Variants in TOP2B observed in about 807,000 individuals in gnomAD.
The protein encoded by TOP2B is DNA topoisomerase II beta.
In TOP2B, 51 loss-of-function variants were observed where a neutral mutation model predicts 193.5. The ratio of observed to expected loss-of-function variants is 0.26; its 90% CI spans 0.21 to 0.33. The LOEUF (loss-of-function observed/expected upper bound fraction) is 0.33. Among genes scored for constraint, TOP2B ranks in the 10% least tolerant of loss-of-function variants. The pLI is 1.00. For missense variants in TOP2B, 1,378 were observed against 1,909.3 expected (o/e 0.72, Z 5.19); for synonymous variants, 634 against 635.7 (o/e 1.00, Z 0.04).
At chr3:25,642,666 C>T (rs1299002172) in intron 3 of TOP2B, among the ~76,000 whole-genome samples, 1 of 151,998 alleles carries the variant, frequency 6.6e-6, no homozygotes, top group African/African-American at 2.4e-5. Flanking sequence ...GAACAAACAC[C>T]TGCATTTTAC....
intron 28 of TOP2B, 50 bp from the exon 29 acceptor site, chr3:25,609,762 A>G (rs1702323142): frequency 2.1e-6 from 3 of 1,419,204 alleles, no homozygotes; most frequent in African/African-American, 3.0e-5. Context: ...AAAACATCAC[A>G]TATTTTAGAG....
chr3:25,664,447 G>A lies in TOP2B; in HGVS notation c.-150C>T. 2 of 1,250,068 alleles carry A rather than the reference G, an allele frequency of 1.6e-6. No individual in the cohort carries two copies. Among genetic ancestry groups the A allele is most frequent in the Non-Finnish European group, 2.0e-6 (2 of 1,000,342 alleles). The allele number at this position is 1,250,068 out of a possible 1,614,324, so 77.4% of individuals were successfully genotyped here. ...CCGCGCCCCATCGCGAAGATCCGGA[G>A]CGGACGTCCAGCCGAGCCCGCTGAG... is the stretch of plus-strand genomic sequence containing the variant. On this transcript the variant is annotated 5_prime_UTR_variant, in exon 1 of 36. Coordinates refer to ENST00000264331, the MANE Select transcript of TOP2B (RefSeq NM_001330700.2).
chr3:25,615,662 T>C, intron 25 of TOP2B, 76 bp from the exon 26 acceptor site: 1 of 1,236,646 alleles, frequency 8.1e-7, no homozygotes, highest in Non-Finnish European at 1.1e-6. Flanking sequence ...GAATAATTAG[T>C]TTAAAATTCT....
At chr3:25,620,893 G>T in intron 21 of TOP2B, 77 bp from the exon 22 acceptor site, 2 of 1,446,998 alleles carry the variant, frequency 1.4e-6, no homozygotes, top group Non-Finnish European at 1.9e-6. Flanking sequence ...AACATTGACA[G>T]ATTAACACAA....
At chr3:25,623,852 G>C in intron 20 of TOP2B, 106 bp from the exon 21 acceptor site, 1 of 724,560 alleles carries the variant, frequency 1.4e-6, no homozygotes, top group Non-Finnish European at 2.2e-6. Flanking sequence ...CTTTTGAAGA[G>C]AATGCATTTT....
At chr3:25,616,948 T>C (rs936163350) in intron 25 of TOP2B, among the ~76,000 whole-genome samples, 3 of 152,110 alleles carry the variant, frequency 2.0e-5, no homozygotes, top group African/African-American at 7.2e-5. Context: ...CAAAAAACTT[T>C]AATCTTCTAA....
At chr3:25,628,069 TA>T (rs11444500) in intron 15 of TOP2B, among the ~76,000 whole-genome samples, 5 of 130,998 alleles carry the variant, frequency 3.8e-5, no homozygotes, top group Non-Finnish European at 3.3e-5. Context: ...TAAAAACAAT[TA>T]AAAAAAAACG....
intron 1 of TOP2B, among the ~76,000 whole-genome samples, chr3:25,655,940 G>C (rs1296946531): frequency 6.6e-6 from 1 of 152,112 alleles, no homozygotes; most frequent in Non-Finnish European, 1.5e-5. Flanking sequence ...TACTTCTAGA[G>C]ATCTGTTGCT....
chr3:25,663,662 A>T (rs1703986416), intron 1 of TOP2B, among the ~76,000 whole-genome samples: 1 of 152,212 alleles, frequency 6.6e-6, no homozygotes, highest in Non-Finnish European at 1.5e-5. Flanking sequence ...CTACAGTATT[A>T]ACTGCTGTGA....
Position 25,598,389 on chromosome 3 carries a change from G to A in TOP2B, c.4799C>T (p.Thr1600Ile), listed in dbSNP as rs777323473. The change falls in exon 36 of 36, where the codon ACC becomes ATC. Residue 1600 changes from threonine (T) to isoleucine (I), a missense_variant. Around this residue, in one of 9 missense-constraint regions of TOP2B, gnomAD observed 556 missense variants for 584.2 expected, o/e 0.95. Coordinates refer to ENST00000264331, the MANE Select transcript of TOP2B (RefSeq NM_001330700.2). ...FPTEPPSLPR[T>I]GRARKEVKYF... ...TTTTACTTCTTTCCTAGCCCGACCG[G>A]TTCGTGGCAGAGAAGGTGGCTCAGT... is the stretch of plus-strand genomic sequence containing the variant. 1 of 1,613,584 alleles carries A rather than the reference G, an allele frequency of 6.2e-7. No individual in the cohort carries two copies. The highest frequency in any genetic ancestry group is 8.5e-7 in the Non-Finnish European group (1 of 1,179,642).
intron 1 of TOP2B, among the ~76,000 whole-genome samples, chr3:25,658,339 T>C (rs2125410590): frequency 6.6e-6 from 1 of 152,008 alleles, no homozygotes; most frequent in South Asian, 2.1e-4. Flanking sequence ...GTAATTTATT[T>C]CCCTGCCTTA....
chr3:25,604,978 T>C (rs761371355), intron 32 of TOP2B, 108 bp from the exon 33 acceptor site: 42 of 732,200 alleles, frequency 5.7e-5, no homozygotes, highest in Non-Finnish European at 8.6e-5. Context: ...ATTGATCTTA[T>C]GTTACTATTT....
intron 19 of TOP2B, 36 bp from the exon 20 acceptor site, chr3:25,624,481 A>C (rs1239379596): frequency 6.3e-7 from 1 of 1,584,642 alleles, no homozygotes; most frequent in South Asian, 1.2e-5. Context: ...TAACATTAAT[A>C]TTCTAAATTT....
chr3:25,606,878 T>C (rs141796265), intron 31 of TOP2B, among the ~76,000 whole-genome samples: 82 of 152,312 alleles, frequency 5.4e-4, no homozygotes, highest in African/African-American at 1.9e-3. Flanking sequence ...TTACATATCA[T>C]TTGTGGCTGC....
intron 4 of TOP2B, 42 bp from the exon 5 acceptor site, chr3:25,638,352 A>T: frequency 7.3e-7 from 1 of 1,364,530 alleles, no homozygotes; most frequent in Non-Finnish European, 9.5e-7. Flanking sequence ...AAAAAAAAAA[A>T]GCAGAATTTA....
At chr3:25,605,589 A>G (rs1702217144) in intron 32 of TOP2B, among the ~76,000 whole-genome samples, 1 of 152,120 alleles carries the variant, frequency 6.6e-6, no homozygotes, top group Non-Finnish European at 1.5e-5. Flanking sequence ...AAAAAATACG[A>G]AACAAGAAGT....
intron 32 of TOP2B, among the ~76,000 whole-genome samples, chr3:25,605,755 T>C (rs1702221429): frequency 6.6e-6 from 1 of 152,058 alleles, no homozygotes; most frequent in Non-Finnish European, 1.5e-5. Context: ...AATTTCATTA[T>C]TTCTTTTCTC....
chr3:25,600,162 C>G (rs1244873553), intron 34 of TOP2B, among the ~76,000 whole-genome samples: 1 of 152,154 alleles, frequency 6.6e-6, no homozygotes, highest in Non-Finnish European at 1.5e-5. Context: ...TACCTAACCT[C>G]TTATTCTCAT....
At chr3:25,656,884 A>C (rs148797756) in intron 1 of TOP2B, among the ~76,000 whole-genome samples, 301 of 152,348 alleles carry the variant, frequency 2.0e-3, no homozygotes, top group Middle Eastern at 6.8e-3. Flanking sequence ...AAGTATGTGA[A>C]AACATAATTA....
Sources: gnomAD v4.1 joint callset for allele counts (sites outside exome capture counted in the v4.1 genomes callset) on GRCh38, gnomAD v4.1.1 for gene constraint, gnomAD v4.1.1 regional missense constraint, MANE v1.5 for transcripts, NCBI Gene and HGNC (gene_info 2026-07-23, HGNC 2026-07-21) for gene names.